Variants in PTPRA observed in about 807,000 individuals in gnomAD.
The protein encoded by PTPRA is receptor-type tyrosine-protein phosphatase alpha.
Under a neutral mutation model 104.8 loss-of-function variants are expected in PTPRA, and 25 were observed. The ratio of observed to expected loss-of-function variants is 0.24; its 90% confidence interval spans 0.17 to 0.33. The LOEUF (loss-of-function observed/expected upper bound fraction) is 0.33. PTPRA is among the 10% of genes least tolerant of loss of function. The probability of loss-of-function intolerance (pLI) is 1.00; values close to 1 mark genes in which losing one functional copy is unlikely to be tolerated. For synonymous variants in PTPRA, 323 were observed against 368.9 expected, an observed-to-expected ratio of 0.88 and a Z score of 1.43; for missense variants, 765 against 1,015.3, an observed-to-expected ratio of 0.75 and a Z score of 3.35.
intron 3 of PTPRA, among the ~76,000 whole-genome samples, chr20:2,954,077 CT>C (rs35144002): frequency 0.42 from 43,375 of 102,550 alleles, 8,675 homozygotes; most frequent in East Asian, 0.71. Context: ...ACCCGGCTAA[CT>C]TTTTTTTTTT....
the PTPRA span, chr20:2,864,542 C>A: frequency 1.2e-6 from 2 of 1,614,102 alleles, no homozygotes; most frequent in South Asian, 1.1e-5. The surrounding 1 kb of genome is among the most constrained non-coding windows in gnomAD (Gnocchi z 5.2). Context: ...TGCCTGTGGC[C>A]CCAGTTCTGT....
intron 2 of PTPRA, among the ~76,000 whole-genome samples, chr20:2,936,469 T>C (rs912581490): frequency 6.8e-6 from 1 of 146,086 alleles, no homozygotes; most frequent in Non-Finnish European, 1.5e-5. Context: ...GGCCTAGGTC[T>C]TTTTTTTTTG....
rs1467814793 is a variant in PTPRA, at chr20:2,873,975, T to C, written c.-129+215T>C. ...GTCCCCGGAAACGTGCCGGCCCGAG[T>C]GCCGACCCCTCGCGACTGCCCAGGA... is the stretch of plus-strand genomic sequence containing the variant. On this transcript the variant is annotated intron_variant, in intron 1 of 23. Transcript: ENST00000399903. The surrounding 1 kb of genome is among the most constrained non-coding windows in gnomAD (Gnocchi z 4.4). Among the ~76,000 whole-genome samples the C allele has an allele frequency of 6.6e-6, 1 of 152,126 alleles. No individual in the cohort carries two copies. Among genetic ancestry groups the C allele is most frequent in the African/African-American group, 2.4e-5 (1 of 41,414 alleles).
intron 1 of PTPRA, among the ~76,000 whole-genome samples, chr20:2,901,444 C>T (rs1279049216): frequency 6.6e-6 from 1 of 152,078 alleles, no homozygotes. Flanking sequence ...TCAGCCATTG[C>T]TATTGATGGC....
chr20:2,956,010 G>T (rs1430199085), intron 3 of PTPRA, among the ~76,000 whole-genome samples: 1 of 152,042 alleles, frequency 6.6e-6, no homozygotes, highest in Non-Finnish European at 1.5e-5. Flanking sequence ...TTATAGCATT[G>T]CAGTTCACTG....
chr20:2,865,053 A>C, the PTPRA span: 2 of 1,614,150 alleles, frequency 1.2e-6, no homozygotes, highest in South Asian at 2.2e-5. This position sits in a 1 kb window ranked among gnomAD's most constrained non-coding sequence, Gnocchi z 5.2. Context: ...GTTTGCAGCC[A>C]AGGTTTGGCC....
intron 2 of PTPRA, among the ~76,000 whole-genome samples, chr20:2,939,657 T>G (rs1024761144): frequency 3.9e-5 from 6 of 152,186 alleles, no homozygotes; most frequent in African/African-American, 1.2e-4. Flanking sequence ...CTAGGACATA[T>G]TAGAAGTTAA....
In PTPRA at chr20:3,007,362, A is replaced by G; in HGVS notation, c.848A>G (p.His283Arg). 1 of 1,614,052 alleles carries G rather than the reference A, an allele frequency of 6.2e-7. No homozygotes were observed. The highest frequency in any genetic ancestry group is 8.5e-7 in the Non-Finnish European group (1 of 1,179,926). Reference sequence around the variant, plus strand: ...TTCCTAGATGACCACTCTAGAGTCCACCTGACACCGGTTGAAGGGGTTCCA... The same window carrying G: ...TTCCTAGATGACCACTCTAGAGTCCGCCTGACACCGGTTGAAGGGGTTCCA... Reference protein sequence around the residue: ...NILPYDHSRVHLTPVEGVPDS... With the variant: ...NILPYDHSRVRLTPVEGVPDS... The change falls in exon 11 of 24, where the codon CAC (histidine) becomes CGC (arginine). Residue 283 changes from histidine (H) to arginine (R), a missense_variant. By Grantham distance (29) the His-to-Arg change is conservative. Coordinates refer to ENST00000399903, the MANE Select transcript of PTPRA (RefSeq NM_001385305.1).
chr20:2,986,959 GA>G lies in PTPRA; in HGVS notation c.527+111del, dbSNP rs570792254. ...TAGGATATACACAATGAATAGGATA[GA>G]GGGGGAATGACCCATGATAGTGCTA... On this transcript the variant is annotated intron_variant, in intron 7 of 23. Coordinates refer to ENST00000399903, the MANE Select transcript of PTPRA (RefSeq NM_001385305.1). 8.3e-5 allele frequency: 80 copies of G among 967,156 alleles called. No individual in the cohort carries two copies. In the East Asian group the frequency reaches 1.9e-3, roughly 22 times the overall value. 59.9% of individuals were successfully genotyped at this position (967,156 alleles called of 1,614,324 possible).
Position 2,986,864 on chromosome 20 carries a change from A to T in PTPRA, c.527+15A>T. On this transcript the variant is annotated intron_variant, in intron 7 of 23. Transcript: ENST00000399903. ...TACATGTTAAGGTGAGCCTACTAACACTTCACATTCTCTTAGATTCTGTTT... is the reference window on the plus strand; with the variant it reads ...TACATGTTAAGGTGAGCCTACTAACTCTTCACATTCTCTTAGATTCTGTTT... The T allele has an allele frequency of 6.3e-7, 1 of 1,577,280 alleles. No homozygotes were observed. The highest frequency in any genetic ancestry group is 8.7e-7 in the Non-Finnish European group (1 of 1,146,538).
intron 1 of PTPRA, among the ~76,000 whole-genome samples, chr20:2,909,860 TATATA>T (rs1255798508): frequency 2.7e-4 from 36 of 132,912 alleles, no homozygotes; most frequent in African/African-American, 1.0e-3. Context: ...TAATATATAT[TATATA>T]ATATAATTAA....
At chr20:2,885,164 G>A (rs2090311276) in intron 1 of PTPRA, among the ~76,000 whole-genome samples, 2 of 152,170 alleles carry the variant, frequency 1.3e-5, no homozygotes, top group Admixed American at 1.3e-4. Context: ...AATCCCAGCA[G>A]CAGTGTATGA....
At chr20:2,917,187 C>T (rs987776892) in intron 1 of PTPRA, among the ~76,000 whole-genome samples, 2 of 151,844 alleles carry the variant, frequency 1.3e-5, no homozygotes, top group African/African-American at 4.8e-5. Flanking sequence ...GAACTCCTGA[C>T]CCCCAAGTGA....
intron 22 of PTPRA, among the ~76,000 whole-genome samples, chr20:3,036,196 G>A (rs1418615613): frequency 6.6e-6 from 1 of 152,164 alleles, no homozygotes; most frequent in African/African-American, 2.4e-5. Context: ...ACTGGCAGTG[G>A]AGACCCCGGT....
In PTPRA at chr20:2,891,645, G is replaced by A. The variant is rs115361136; in HGVS notation, c.-129+17885G>A. Among the ~76,000 whole-genome samples, 745 of 152,106 alleles carry A rather than the reference G, an allele frequency of 4.9e-3. 5 individuals are homozygous for A. Among genetic ancestry groups the A allele is most frequent in the African/African-American group, 0.017 (693 of 41,458 alleles). ...CACTTATATGATAATTCACACATTG[G>A]CATGTGTAGATTAAACATTTATAGT... On this transcript the variant is annotated intron_variant, in intron 1 of 23. Transcript: ENST00000399903.
Position 3,026,452 on chromosome 20 carries a change from A to T in PTPRA, c.1615-235A>T, listed in dbSNP as rs2065150795. Reference sequence around the variant, plus strand: ...GAATCCCTTGCTCCAGGATCACAAAATTCCAAGCCAGGAGAATCTCAAGAG... The same window carrying T: ...GAATCCCTTGCTCCAGGATCACAAATTTCCAAGCCAGGAGAATCTCAAGAG... On this transcript the variant is annotated intron_variant, in intron 17 of 23. Transcript: ENST00000399903. Among the ~76,000 whole-genome samples the T allele has an allele frequency of 3.3e-5, 5 of 152,258 alleles. No homozygotes were observed. The South Asian group carries it at 1.0e-3, about 32-fold the overall frequency.
In PTPRA at chr20:2,883,676, AAAG is replaced by A. The variant is rs2090200869; in HGVS notation, c.-129+9919_-129+9921del. On this transcript the variant is annotated intron_variant, in intron 1 of 23. Transcript: ENST00000399903. ...CAAAAAAAAAAAAAAAAAAAAAAAA[AAAG>A]AAAGAAATGTGCAATGGTAGAGCGT... 8.8e-5 allele frequency among the ~76,000 whole-genome samples: 2 copies of A among 22,718 alleles called. 1 individual carries two copies. Among genetic ancestry groups the A allele is most frequent in the African/African-American group, 1.9e-3 (2 of 1,044 alleles). 14.9% of individuals were successfully genotyped at this position (22,718 alleles called of 152,430 possible).
intron 1 of PTPRA, among the ~76,000 whole-genome samples, chr20:2,921,367 C>T (rs2060091859): frequency 7.0e-6 from 1 of 141,936 alleles, no homozygotes. Flanking sequence ...GTTGTTCACC[C>T]TTCCTTGAAT....
chr20:2,900,220 C>T (rs1484561835), intron 1 of PTPRA, among the ~76,000 whole-genome samples: 1 of 151,898 alleles, frequency 6.6e-6, no homozygotes, highest in Non-Finnish European at 1.5e-5. Flanking sequence ...CGCAGTGACA[C>T]GATTATAGCT....
Sources: allele counts gnomAD v4.1 joint callset (sites outside exome capture counted in the v4.1 genomes callset), GRCh38; gene constraint gnomAD v4.1.1; non-coding constraint Gnocchi (gnomAD v3.1); transcripts MANE v1.5; gene names NCBI Gene and HGNC (gene_info 2026-07-23, HGNC 2026-07-21).